CCDC110: variants seen among roughly 807,000 people sequenced by gnomAD.
CCDC110 encodes the protein coiled-coil domain-containing protein 110.
A neutral mutation model predicts 77.1 loss-of-function variants in CCDC110; 70 were observed. That is an observed-to-expected ratio of 0.91 (90% CI 0.75 to 1.11). The LOEUF (loss-of-function observed/expected upper bound fraction) is 1.11. Ranked by LOEUF, CCDC110 falls within the 50% of genes least tolerant of loss-of-function variation. CCDC110 has a pLI of 0.00. For synonymous variants in CCDC110, 295 were observed against 312.5 expected, an observed-to-expected ratio of 0.94 and a Z score of 0.59; for missense variants, 868 against 942.9, an observed-to-expected ratio of 0.92 and a Z score of 1.04.
Position 185,458,876 on chromosome 4 carries a change from T to C in CCDC110, c.1711A>G (p.Met571Val). The C allele has an allele frequency of 4.4e-6, 7 of 1,606,686 alleles. No individual in the cohort carries two copies. Among genetic ancestry groups the C allele is most frequent in the Non-Finnish European group, 5.1e-6 (6 of 1,178,464 alleles). Residue 571 changes from methionine to valine, a missense_variant, in exon 6 of 7, where the codon ATG (methionine) becomes GTG (valine). Transcript: ENST00000307588. ...AGAATATTGGTTTTCATTGCTTCCA[T>C]TTCTATACTCATTCGATTATTTTCA... ...NNENNRMSIEMEAMKTNILLI... is the reference protein window; with the variant it reads ...NNENNRMSIEVEAMKTNILLI...
intron 6 of CCDC110, among the ~76,000 whole-genome samples, chr4:185,447,480 G>A (rs1453274008): frequency 2.0e-5 from 3 of 151,982 alleles, no homozygotes; most frequent in South Asian, 2.1e-4. Context: ...ACGCCCGGCC[G>A]ATTTTATATT....
intron 6 of CCDC110, among the ~76,000 whole-genome samples, chr4:185,447,273 C>G (rs996464442): frequency 6.6e-6 from 1 of 151,936 alleles, no homozygotes; most frequent in Non-Finnish European, 1.5e-5. Context: ...GCTCCACCTG[C>G]CGGGTTCACG....
chr4:185,469,465 C>A (rs1184260389), intron 2 of CCDC110, among the ~76,000 whole-genome samples: 1 of 147,408 alleles, frequency 6.8e-6, no homozygotes, highest in Non-Finnish European at 1.5e-5. Flanking sequence ...AACCCTAAGC[C>A]TCATTCATGT....
chr4:185,457,018 A>G (rs931311441), intron 6 of CCDC110: 1 of 247,724 alleles, frequency 4.0e-6, no homozygotes, highest in South Asian at 4.4e-5. Context: ...TTAACAAAAT[A>G]TTACCAAATT....
intron 4 of CCDC110, 133 bp from the exon 5 acceptor site, chr4:185,461,292 T>C: frequency 2.0e-6 from 1 of 507,090 alleles, no homozygotes; most frequent in Non-Finnish European, 3.5e-6. Context: ...TCTTATAGAA[T>C]ATAAATGAAA....
Position 185,471,718 on chromosome 4 carries a change from A to G in CCDC110, c.-35T>C. ...TCATCTCTCTCGCAACCGCCGCCGCACGCACCCGCTCCGCCGCCCCGCGCA... is the reference window on the plus strand; with the variant it reads ...TCATCTCTCTCGCAACCGCCGCCGCGCGCACCCGCTCCGCCGCCCCGCGCA... On this transcript the variant is annotated 5_prime_UTR_variant, in exon 1 of 7. Transcript: ENST00000307588. The G allele has an allele frequency of 6.5e-7, 1 of 1,527,484 alleles. No individual in the cohort carries two copies. Among genetic ancestry groups the G allele is most frequent in the Non-Finnish European group, 8.8e-7 (1 of 1,140,820 alleles). The allele number at this position is 1,527,484 out of a possible 1,614,324, so 94.6% of individuals were successfully genotyped here.
intron 6 of CCDC110, among the ~76,000 whole-genome samples, chr4:185,447,845 A>G (rs535699489): frequency 6.6e-6 from 1 of 152,348 alleles, no homozygotes; most frequent in African/African-American, 2.4e-5. Context: ...AAGCTAAACT[A>G]TGCAATTAAT....
At chr4:185,453,217 T>TAAAAC (rs939072271) in intron 6 of CCDC110, among the ~76,000 whole-genome samples, 18 of 152,072 alleles carry the variant, frequency 1.2e-4, no homozygotes, top group Middle Eastern at 3.4e-3. Flanking sequence ...ACAAACAAAC[T>TAAAAC]AAAACAAAAC....
At chr4:185,456,494 T>C (rs1484936794) in intron 6 of CCDC110, among the ~76,000 whole-genome samples, 4 of 151,952 alleles carry the variant, frequency 2.6e-5, no homozygotes, top group Non-Finnish European at 4.4e-5. Flanking sequence ...AAAAATAAAA[T>C]TGGTAAAACT....
In CCDC110 at chr4:185,458,121, C is replaced by G; in HGVS notation, c.2461+5G>C. On this transcript the variant is annotated splice_donor_5th_base_variant and intron_variant, in intron 6 of 6. Coordinates refer to ENST00000307588, the MANE Select transcript of CCDC110 (RefSeq NM_152775.4). Reference sequence around the variant, plus strand: ...ATCTCTACTAATCTACCAGGACTTGCGTACCTTTCAAATCCGAAGCCAAAG... The same window carrying G: ...ATCTCTACTAATCTACCAGGACTTGGGTACCTTTCAAATCCGAAGCCAAAG... The G allele has an allele frequency of 2.0e-6, 3 of 1,532,418 alleles. No individual in the cohort carries two copies. The highest frequency in any genetic ancestry group is 2.6e-5 in the South Asian group (2 of 75,638). The allele number at this position is 1,532,418 out of a possible 1,614,324, so 94.9% of individuals were successfully genotyped here.
chr4:185,471,453 G>A, intron 1 of CCDC110: 2 of 494,652 alleles, frequency 4.0e-6, no homozygotes, highest in Non-Finnish European at 6.9e-6. Context: ...CGCTGGGCGG[G>A]CGGCGGCGGC....
chr4:185,464,983 C>A (rs1042634525), intron 2 of CCDC110, among the ~76,000 whole-genome samples: 1 of 152,142 alleles, frequency 6.6e-6, no homozygotes, highest in East Asian at 1.9e-4. Flanking sequence ...TTACTCCCTG[C>A]CAAGAGAGAT....
chr4:185,459,110 TA>T lies in CCDC110; in HGVS notation c.1476del (p.Lys493SerfsTer2). 7 of 1,592,160 alleles carry T rather than the reference TA, an allele frequency of 4.4e-6. No homozygotes were observed. Among genetic ancestry groups the T allele is most frequent in the Non-Finnish European group, 6.0e-6 (7 of 1,166,540 alleles). ...CTGTATTCTTCTGTTTTACTTAACT[TA>T]GACTGAATAGTACTCTTTTCTTCAA... ...NLVEEKSTIQ[S>X]KLSKTEEYSK... is the part of the protein sequence containing the mutation. On this transcript the variant is annotated frameshift_variant, in exon 6 of 7. Transcript: ENST00000307588. LOFTEE classifies it high-confidence loss of function.
In CCDC110 at chr4:185,445,325, C is replaced by A. The variant is rs922788189; in HGVS notation, c.*177G>T. On this transcript the variant is annotated 3_prime_UTR_variant, in exon 7 of 7. Transcript: ENST00000307588. ...AGTTCTCCCCCATCTTCTGAAATTC[C>A]CAGCTGAGAAAGCTTAAGTTATCTG... The A allele has an allele frequency of 5.6e-6, 4 of 719,024 alleles. No individual in the cohort carries two copies. In the East Asian group the frequency reaches 1.1e-4, roughly 19 times the overall value. 44.5% of individuals were successfully genotyped at this position (719,024 alleles called of 1,614,324 possible).
chr4:185,448,264 G>A (rs992629887), intron 6 of CCDC110, among the ~76,000 whole-genome samples: 16 of 152,044 alleles, frequency 1.1e-4, no homozygotes, highest in Non-Finnish European at 1.8e-4. Context: ...CAGGTGATCC[G>A]CCCGCCTCAG....
chr4:185,447,307 G>A (rs982019862), intron 6 of CCDC110, among the ~76,000 whole-genome samples: 15 of 151,296 alleles, frequency 9.9e-5, no homozygotes, highest in African/African-American at 3.6e-4. Context: ...TCAGCCTCCC[G>A]AGTAGCTGGG....
intron 2 of CCDC110, among the ~76,000 whole-genome samples, chr4:185,466,487 G>A (rs1479818970): frequency 6.6e-6 from 1 of 152,168 alleles, no homozygotes; most frequent in East Asian, 1.9e-4. Flanking sequence ...GAGATTGGTG[G>A]GCATGGAGGA....
Position 185,445,225 on chromosome 4 carries a change from T to A in CCDC110, c.*277A>T. 8.6e-7 allele frequency: 1 copy of A among 1,157,286 alleles called. No individual in the cohort carries two copies. Among genetic ancestry groups the A allele is most frequent in the African/African-American group, 1.6e-5 (1 of 64,428 alleles). The allele number at this position is 1,157,286 out of a possible 1,614,324, so 71.7% of individuals were successfully genotyped here. On this transcript the variant is annotated 3_prime_UTR_variant, in exon 7 of 7. Coordinates refer to ENST00000307588, the MANE Select transcript of CCDC110 (RefSeq NM_152775.4). The stretch of plus-strand genomic sequence containing the variant: ...TAGTATCTTTTATTTATATATACTT[T>A]TTTAAATGACAAATGTGGGTGACTT...
chr4:185,469,749 G>T (rs1053753560), intron 2 of CCDC110, among the ~76,000 whole-genome samples: 1 of 152,192 alleles, frequency 6.6e-6, no homozygotes, highest in African/African-American at 2.4e-5. Flanking sequence ...TGGGCACCCG[G>T]GTGTCTTCTG....
Sources: allele counts gnomAD v4.1 joint callset (sites outside exome capture counted in the v4.1 genomes callset), GRCh38; gene constraint gnomAD v4.1.1; transcripts MANE v1.5; gene names NCBI Gene and HGNC (gene_info 2026-07-23, HGNC 2026-07-21).